The following EBF2 variants were observed in gnomAD, a reference collection of about 807,000 sequenced individuals.
EBF2 encodes the protein transcription factor COE2.
EBF2 carries 21 observed loss-of-function variants against 72.8 expected under a neutral mutation model. The observed-to-expected ratio is 0.29, with a 90% confidence interval of 0.20 to 0.42. EBF2 has a LOEUF of 0.42. Ranked by LOEUF, EBF2 falls within the 10% of genes least tolerant of loss-of-function variation. EBF2 has a pLI of 1.00. For synonymous variants in EBF2, 299 were observed against 274.2 expected (o/e 1.09, Z -0.89); for missense variants, 637 against 731.2 (o/e 0.87, Z 1.49).
chr8:25,982,889 T>C (rs564951186), intron 6 of EBF2, among the ~76,000 whole-genome samples: 123 of 151,874 alleles, frequency 8.1e-4, no homozygotes, highest in Admixed American at 2.1e-3. Context: ...TACAAATGTG[T>C]AATTACATAT....
At chr8:25,943,466 T>C (rs558018815) in intron 6 of EBF2, among the ~76,000 whole-genome samples, 2 of 152,208 alleles carry the variant, frequency 1.3e-5, no homozygotes, top group African/African-American at 2.4e-5. Flanking sequence ...GTTATGATCA[T>C]GCCACTGCAC....
At chr8:25,881,151 T>C (rs1290934901) in intron 10 of EBF2, among the ~76,000 whole-genome samples, 3 of 152,220 alleles carry the variant, frequency 2.0e-5, no homozygotes, top group Non-Finnish European at 2.9e-5. Context: ...AGCCATCCTC[T>C]GCATTGTAGC....
At chr8:25,904,944 G>A (rs1383323284) in intron 7 of EBF2, among the ~76,000 whole-genome samples, 1 of 152,094 alleles carries the variant, frequency 6.6e-6, no homozygotes, top group African/African-American at 2.4e-5. Flanking sequence ...CAAATCACAT[G>A]TTTGAGAAGG....
intron 5 of EBF2, among the ~76,000 whole-genome samples, chr8:26,038,220 A>G (rs1470957763): frequency 2.6e-5 from 4 of 152,224 alleles, no homozygotes; most frequent in Non-Finnish European, 5.9e-5. Context: ...CATCCAATGG[A>G]TCATTTATTT....
In EBF2 at chr8:25,850,670, A is replaced by C. The variant is rs1455464255; in HGVS notation, c.1620T>G (p.Ser540Arg). ...GGGGCCTGATGACAGGGGCAAAGGC[A>C]CTCTTCTGTTTGACAGCAGGAAAAA... ...SSVFPAVKQK[S>R]AFAPVIRPQG... Residue 540 changes from serine (S) to arginine (R), a missense_variant, in exon 15 of 16, where the codon AGT becomes AGG. By Grantham distance (110) the Ser-to-Arg change is moderately radical. This residue lies in a region of EBF2 where 259 missense variants were observed against 268.1 expected (regional missense o/e 0.97). Coordinates refer to ENST00000520164, the MANE Select transcript of EBF2 (RefSeq NM_022659.4). 4 of 1,561,690 alleles carry C rather than the reference A, an allele frequency of 2.6e-6. No homozygotes were observed. Among genetic ancestry groups the C allele is most frequent in the Non-Finnish European group, 3.4e-6 (4 of 1,162,630 alleles).
At chr8:25,903,800 G>C (rs1414305989) in intron 7 of EBF2, among the ~76,000 whole-genome samples, 1 of 152,206 alleles carries the variant, frequency 6.6e-6, no homozygotes, top group Non-Finnish European at 1.5e-5. Context: ...AGGAGGCAGC[G>C]ACACTTTGAC....
At chr8:25,874,853 CTTTTTT>C (rs1183233269) in intron 10 of EBF2, among the ~76,000 whole-genome samples, 2 of 99,558 alleles carry the variant, frequency 2.0e-5, no homozygotes, top group South Asian at 6.6e-4. Context: ...GCCTGGCTAA[CTTTTTT>C]TTTTTTTTTT....
In EBF2 at chr8:25,858,336, G is replaced by A. The variant is rs769738444; in HGVS notation, c.1511C>T (p.Thr504Ile). Residue 504 changes from threonine to isoleucine, a missense_variant, in exon 14 of 16, where the codon ACC (threonine) becomes ATC (isoleucine). By Grantham distance (89) the Thr-to-Ile change is moderately conservative. Coordinates refer to ENST00000520164, the MANE Select transcript of EBF2 (RefSeq NM_022659.4). ...TCACTTACTTCCATAAGGAGAGCCGGTGGGTGAGCCATTTAGAAATCCTGG... is the reference window on the plus strand; with the variant it reads ...TCACTTACTTCCATAAGGAGAGCCGATGGGTGAGCCATTTAGAAATCCTGG... Reference protein sequence around the residue: ...GSPGFLNGSPTGSPYGIMSSS... With the variant: ...GSPGFLNGSPIGSPYGIMSSS... 6.2e-7 allele frequency: 1 copy of A among 1,614,198 alleles called. No individual in the cohort carries two copies. The highest frequency in any genetic ancestry group is 1.1e-5 in the South Asian group (1 of 91,080).
chr8:25,954,965 T>A (rs1803920593), intron 6 of EBF2, among the ~76,000 whole-genome samples: 1 of 152,316 alleles, frequency 6.6e-6, no homozygotes, highest in South Asian at 2.1e-4. Context: ...GGGTCTGTGC[T>A]GCGAGGACTC....
At chr8:25,846,695 A>G (rs1801844640) in intron 15 of EBF2, among the ~76,000 whole-genome samples, 1 of 152,172 alleles carries the variant, frequency 6.6e-6, no homozygotes, top group African/African-American at 2.4e-5. Flanking sequence ...TCTCAAAAAG[A>G]AAAATCTTCA....
At chr8:25,968,645 TCCA>T (rs1228187280) in intron 6 of EBF2, among the ~76,000 whole-genome samples, 1 of 152,180 alleles carries the variant, frequency 6.6e-6, no homozygotes, top group Admixed American at 6.5e-5. Flanking sequence ...CACTGCAACC[TCCA>T]CCCCCCTGGG....
At chr8:26,028,024 A>T (rs1277437310) in intron 6 of EBF2, among the ~76,000 whole-genome samples, 1 of 152,170 alleles carries the variant, frequency 6.6e-6, no homozygotes, top group African/African-American at 2.4e-5. Flanking sequence ...AGATGAAAAG[A>T]GTTATATAAA....
At chr8:25,943,311 C>CAAAAGAAAAAAA (rs1803710087) in intron 6 of EBF2, among the ~76,000 whole-genome samples, 1 of 59,150 alleles carries the variant, frequency 1.7e-5, no homozygotes, top group African/African-American at 4.5e-5. Flanking sequence ...TGTCTCTACA[C>CAAAAGAAAAAAA]AAAAAAAAAA....
intron 6 of EBF2, among the ~76,000 whole-genome samples, chr8:25,942,241 T>G (rs778781738): frequency 1.3e-5 from 2 of 152,198 alleles, no homozygotes; most frequent in African/African-American, 2.4e-5. Flanking sequence ...CAACCTGTAT[T>G]CTTTAAGGTT....
chr8:25,899,546 C>A (rs766954575), intron 7 of EBF2, among the ~76,000 whole-genome samples: 26 of 152,258 alleles, frequency 1.7e-4, no homozygotes, highest in Middle Eastern at 3.4e-3. Flanking sequence ...CCCTCTCCAA[C>A]GGGTGTGAGA....
chr8:26,042,968 G>A (rs6996854), intron 1 of EBF2, among the ~76,000 whole-genome samples: 2,091 of 152,278 alleles, frequency 0.014, 60 homozygotes, highest in African/African-American at 0.048. Flanking sequence ...GACCGACATA[G>A]GGGGCCCTCC....
chr8:25,910,307 C>T (rs1160087093), intron 6 of EBF2, among the ~76,000 whole-genome samples: 1 of 152,170 alleles, frequency 6.6e-6, no homozygotes, highest in Non-Finnish European at 1.5e-5. Flanking sequence ...CCTTTTCCCA[C>T]TTGTGTGTGT....
At chr8:25,956,750 T>C (rs1803955034) in intron 6 of EBF2, among the ~76,000 whole-genome samples, 1 of 152,222 alleles carries the variant, frequency 6.6e-6, no homozygotes. Flanking sequence ...GCCGTTGTGA[T>C]GGCGACATTT....
In EBF2 at chr8:25,843,619, C is replaced by G. The variant is rs1297791259; in HGVS notation, c.*990G>C. The stretch of plus-strand genomic sequence containing the variant: ...TGAGACAGACTCAAACATGGGAATT[C>G]TCTGGACTGCTCAGGGGAGAACGTT... On this transcript the variant is annotated 3_prime_UTR_variant, in exon 16 of 16. Transcript: ENST00000520164. 6.6e-6 allele frequency: 1 copy of G among 152,208 alleles called. No homozygotes were observed. Among genetic ancestry groups the G allele is most frequent in the Non-Finnish European group, 1.5e-5 (1 of 68,052 alleles). 9.4% of individuals were successfully genotyped at this position (152,208 alleles called of 1,614,324 possible).
Sources: allele counts gnomAD v4.1 joint callset (sites outside exome capture counted in the v4.1 genomes callset), GRCh38; gene constraint gnomAD v4.1.1; regional missense constraint gnomAD v4.1.1; transcripts MANE v1.5; gene names NCBI Gene and HGNC (gene_info 2026-07-23, HGNC 2026-07-21).